The following SEMA6B variants were observed in gnomAD, a reference collection of about 807,000 sequenced individuals.
SEMA6B encodes the protein semaphorin-6B.
Under a neutral mutation model 78.6 loss-of-function variants are expected in SEMA6B, and 47 were observed. The ratio of observed to expected loss-of-function variants is 0.60; its 90% CI spans 0.47 to 0.76. SEMA6B has a LOEUF of 0.76. SEMA6B is among the 30% of genes least tolerant of loss of function. The probability of loss-of-function intolerance (pLI) is 0.00; values close to 1 mark genes in which losing one functional copy is unlikely to be tolerated. For synonymous variants in SEMA6B, 632 were observed against 592.2 expected (o/e 1.07, Z -0.98); for missense variants, 1,213 against 1,269.9 (o/e 0.96, Z 0.68).
Position 4,554,997 on chromosome 19 carries a change from G to C in SEMA6B, c.661C>G (p.His221Asp). The change falls in exon 8 of 17, where the codon CAT (histidine) becomes GAT (aspartate). Residue 221 changes from histidine to aspartate, a missense_variant. His to Asp is a moderately conservative substitution (Grantham distance 81, BLOSUM62 -1). Coordinates refer to ENST00000586582, the MANE Select transcript of SEMA6B (RefSeq NM_032108.4). ...TCACCTTTGAACCACTTGGAGTCAT[G>C]TTTCACGGTGCGCAGGGTGGGCCTG... is the stretch of plus-strand genomic sequence containing the variant. ...GDRPTLRTVKHDSKWFKEPYF... is the reference protein window; with the variant it reads ...GDRPTLRTVKDDSKWFKEPYF... 1 of 1,614,060 alleles carries C rather than the reference G, an allele frequency of 6.2e-7. No individual in the cohort carries two copies. Among genetic ancestry groups the C allele is most frequent in the Non-Finnish European group, 8.5e-7 (1 of 1,179,996 alleles).
chr19:4,555,880 G>C lies in SEMA6B; in HGVS notation c.471+108C>G. 5 of 886,180 alleles carry C rather than the reference G, an allele frequency of 5.6e-6. No homozygotes were observed. The highest frequency in any genetic ancestry group is 7.6e-6 in the Non-Finnish European group (4 of 528,640). The allele number at this position is 886,180 out of a possible 1,614,324, so 54.9% of individuals were successfully genotyped here. A position where few individuals can be genotyped will look rare whatever the true frequency, so the allele number is the denominator to read the frequency against. ...AGGCAGGGAGAGTATATCCAGGAAG[G>C]CTTCCTGGAGGAGGTGACACGGCCT... On this transcript the variant is annotated intron_variant, in intron 6 of 16. Coordinates refer to ENST00000586582, the MANE Select transcript of SEMA6B (RefSeq NM_032108.4). The surrounding 1 kb of genome is among the most constrained non-coding windows in gnomAD (Gnocchi z 6.1).
chr19:4,547,587 C>T (rs1290512810), intron 14 of SEMA6B, among the ~76,000 whole-genome samples: 3 of 152,296 alleles, frequency 2.0e-5, no homozygotes, highest in East Asian at 3.9e-4. Context: ...ACAGCCTCCA[C>T]CCTGGTCCCT....
In SEMA6B at chr19:4,550,925, G is replaced by A. The variant is rs760226141; in HGVS notation, c.995C>T (p.Pro332Leu). The change falls in exon 11 of 17, where the codon CCT becomes CTT. Residue 332 changes from proline to leucine, a missense_variant. Physicochemically the swap from Pro to Leu is moderately conservative, Grantham distance 98. Coordinates refer to ENST00000586582, the MANE Select transcript of SEMA6B (RefSeq NM_032108.4). This position sits in a 1 kb window ranked among gnomAD's most constrained non-coding sequence, Gnocchi z 6.6. ...AVFSTPSNSI[P>L]GSAVCAFDLT... is the part of the protein sequence containing the mutation. ...GTCAAAGGCGCAGACAGCCGAGCCAGGGATGCTGAGGGGTTGGGATGAAAG... is the reference window on the plus strand; with the variant it reads ...GTCAAAGGCGCAGACAGCCGAGCCAAGGATGCTGAGGGGTTGGGATGAAAG... 6.2e-7 allele frequency: 1 copy of A among 1,613,634 alleles called. No individual in the cohort carries two copies. Among genetic ancestry groups the A allele is most frequent in the South Asian group, 1.1e-5 (1 of 91,082 alleles).
Position 4,554,443 on chromosome 19 carries a change from C to G in SEMA6B, c.716G>C (p.Ser239Thr), listed in dbSNP as rs760580327. The change falls in exon 9 of 17, where the codon AGC becomes ACC. Residue 239 changes from serine (S) to threonine (T), a missense_variant. Transcript: ENST00000586582. ...PYFVHAVEWG[S>T]HVYFFFREIA... ...CTCCCGGAAGAAGAAGTAGACATGGCTGCCCCACTCCACCGCATGGACAAA... is the reference window on the plus strand; with the variant it reads ...CTCCCGGAAGAAGAAGTAGACATGGGTGCCCCACTCCACCGCATGGACAAA... 1.9e-6 allele frequency: 3 copies of G among 1,613,970 alleles called. No individual in the cohort carries two copies. The highest frequency in any genetic ancestry group is 2.2e-5 in the East Asian group (1 of 44,888).
rs893358113 is a variant in SEMA6B at position 4,558,612 on chromosome 19, TA to T, written c.-32-124del. ...AATTCCTCACGGGGATAATAATTAA[TA>T]AAAACAATAATGGCAATAATAATAA... On this transcript the variant is annotated intron_variant, in intron 1 of 16. Coordinates refer to ENST00000586582, the MANE Select transcript of SEMA6B (RefSeq NM_032108.4). The surrounding 1 kb of genome is among the most constrained non-coding windows in gnomAD (Gnocchi z 5.1). 2.2e-6 allele frequency: 1 copy of T among 461,002 alleles called. No individual in the cohort carries two copies. Among genetic ancestry groups the T allele is most frequent in the African/African-American group, 2.0e-5 (1 of 49,748 alleles). The allele number at this position is 461,002 out of a possible 1,614,324, so 28.6% of individuals were successfully genotyped here. A position where few individuals can be genotyped will look rare whatever the true frequency, so the allele number is the denominator to read the frequency against.
At chr19:4,556,367 C>T (rs369411202) in intron 5 of SEMA6B, among the ~76,000 whole-genome samples, 7 of 152,088 alleles carry the variant, frequency 4.6e-5, no homozygotes, top group Non-Finnish European at 1.0e-4. Flanking sequence ...GAGAAGGATC[C>T]GCCCTGGGTG....
In SEMA6B at chr19:4,552,153, C is replaced by T. The variant is rs1977349807; in HGVS notation, c.989+269G>A. On this transcript the variant is annotated intron_variant, in intron 10 of 16. Coordinates refer to ENST00000586582, the MANE Select transcript of SEMA6B (RefSeq NM_032108.4). The surrounding 1 kb of genome is among the most constrained non-coding windows in gnomAD (Gnocchi z 7.4). ...TCTTCCTCCATCTCACACCCAAAGTCCAGCTCCAATGTCCCCTCCTCCAGG... is the reference window on the plus strand; with the variant it reads ...TCTTCCTCCATCTCACACCCAAAGTTCAGCTCCAATGTCCCCTCCTCCAGG... Among the ~76,000 whole-genome samples, 2 of 152,194 alleles carry T rather than the reference C, an allele frequency of 1.3e-5. No individual in the cohort carries two copies. Among genetic ancestry groups the T allele is most frequent in the African/African-American group, 2.4e-5 (1 of 41,454 alleles).
At position 4,546,415 on chromosome 19, in the gene SEMA6B, G is replaced by A. The variant is rs1444215147; in HGVS notation, c.1656C>T (p.Cys552=). The A allele has an allele frequency of 6.3e-7, 1 of 1,583,700 alleles. No individual in the cohort carries two copies. Among genetic ancestry groups the A allele is most frequent in the Non-Finnish European group, 8.6e-7 (1 of 1,164,298 alleles). ...PYCGWAPDGS[C]IFLSPGTRAA... is the part of the protein sequence containing the mutation. ...ACCTGGTGCCCGGGCTGAGGAAGAT[G>A]CAGGAGCCGTCGGGGGCCCACCCGC... is the stretch of plus-strand genomic sequence containing the variant. The change falls in exon 15 of 17, where the codon TGC becomes TGT. Residue 552 remains cysteine, a synonymous_variant. Coordinates refer to ENST00000586582, the MANE Select transcript of SEMA6B (RefSeq NM_032108.4).
At chr19:4,546,561 C>T in intron 14 of SEMA6B, 92 bp from the exon 15 acceptor site, 1 of 592,062 alleles carries the variant, frequency 1.7e-6, no homozygotes, top group Non-Finnish European at 2.6e-6. Context: ...GTTCCAAGCA[C>T]CTGCCTCTTT....
intron 8 of SEMA6B, among the ~76,000 whole-genome samples, chr19:4,554,700 TCCTC>T (rs1273557981): frequency 6.6e-6 from 1 of 152,230 alleles, no homozygotes; most frequent in Non-Finnish European, 1.5e-5. Flanking sequence ...TTTGTTATCT[TCCTC>T]CCTCATGTGT....
chr19:4,553,682 T>G, intron 9 of SEMA6B, among the ~76,000 whole-genome samples: 4 of 107,106 alleles, frequency 3.7e-5, no homozygotes, highest in Non-Finnish European at 3.7e-5. Context: ...GTGGATGGAT[T>G]GGCAGCTGGA....
At position 4,544,311 on chromosome 19, in the gene SEMA6B, G is replaced by C; in HGVS notation, c.1957C>G (p.Arg653Gly). Reference protein sequence around the residue: ...GAGEAVLSVSRLGERRAQGPG... With the variant: ...GAGEAVLSVSGLGERRAQGPG... Reference sequence around the variant, plus strand: ...CCCTGCGCCCTGCGCTCGCCCAGGCGGCTGACGCTCAGCACCGCCTCGCCC... The same window carrying C: ...CCCTGCGCCCTGCGCTCGCCCAGGCCGCTGACGCTCAGCACCGCCTCGCCC... The change falls in exon 17 of 17, where the codon CGC becomes GGC. Residue 653 changes from arginine to glycine, a missense_variant. Transcript: ENST00000586582. The surrounding 1 kb of genome is among the most constrained non-coding windows in gnomAD (Gnocchi z 5.1). 6.7e-7 allele frequency: 1 copy of C among 1,482,684 alleles called. No homozygotes were observed. The highest frequency in any genetic ancestry group is 1.3e-5 in the South Asian group (1 of 78,358). 91.8% of individuals were successfully genotyped at this position (1,482,684 alleles called of 1,614,324 possible).
chr19:4,558,131 A>T lies in SEMA6B; in HGVS notation c.140T>A (p.Val47Glu). The change falls in exon 3 of 17, where the codon GTG becomes GAG. Residue 47 changes from valine (V) to glutamate (E), a missense_variant. Val to Glu is a moderately radical substitution (Grantham distance 121). Transcript: ENST00000586582. This position sits in a 1 kb window ranked among gnomAD's most constrained non-coding sequence, Gnocchi z 5.1. ...APRDYLNHYPVFVGSGPGRLT... is the reference protein window; with the variant it reads ...APRDYLNHYPEFVGSGPGRLT... ...GCGTCCGGGCCCGCTGCCCACAAAC[A>T]CGGGATAGTGGTTCAGGTCTGAGTG... 6 of 1,506,812 alleles carry T rather than the reference A, an allele frequency of 4.0e-6. No individual in the cohort carries two copies. The highest frequency in any genetic ancestry group is 5.4e-6 in the Non-Finnish European group (6 of 1,119,156). The allele number at this position is 1,506,812 out of a possible 1,614,324, so 93.3% of individuals were successfully genotyped here.
Position 4,559,633 on chromosome 19 carries a change from A to C in SEMA6B, c.-136T>G, listed in dbSNP as rs929373548. 1.3e-5 allele frequency: 2 copies of C among 152,238 alleles called. No individual in the cohort carries two copies. The highest frequency in any genetic ancestry group is 2.9e-5 in the Non-Finnish European group (2 of 68,112). 9.4% of individuals were successfully genotyped at this position (152,238 alleles called of 1,614,324 possible). On this transcript the variant is annotated 5_prime_UTR_variant, in exon 1 of 17. Coordinates refer to ENST00000586582, the MANE Select transcript of SEMA6B (RefSeq NM_032108.4). ...AGCTCCGAGCCCATTTTCCTGTCTG[A>C]GCAGCAGGGGTATCCCCCAGCCCTG...
chr19:4,550,373 T>C lies in SEMA6B; in HGVS notation c.1122-101A>G. ...TTGCTTTGCCCAACGACCCTCAGGT[T>C]TTTTGTTTGTTTTGTTTTTGAGACA... is the stretch of plus-strand genomic sequence containing the variant. On this transcript the variant is annotated intron_variant, in intron 11 of 16. Coordinates refer to ENST00000586582, the MANE Select transcript of SEMA6B (RefSeq NM_032108.4). This position sits in a 1 kb window ranked among gnomAD's most constrained non-coding sequence, Gnocchi z 6.6. 7.7e-7 allele frequency: 1 copy of C among 1,296,678 alleles called. No individual in the cohort carries two copies. Among genetic ancestry groups the C allele is most frequent in the Non-Finnish European group, 1.1e-6 (1 of 938,440 alleles). The allele number at this position is 1,296,678 out of a possible 1,614,324, so 80.3% of individuals were successfully genotyped here.
chr19:4,550,803 G>T lies in SEMA6B; in HGVS notation c.1117C>A (p.Pro373Thr). Residue 373 changes from proline (P) to threonine (T), a missense_variant, in exon 11 of 17, where the codon CCC becomes ACC. Transcript: ENST00000586582. This position sits in a 1 kb window ranked among gnomAD's most constrained non-coding sequence, Gnocchi z 6.6. ...TPVPEDQVPR[P>T]RPGCCAAPGM... Reference sequence around the variant, plus strand: ...CAGGATGGAGGGGGTTCTCACCGGGGTCGAGGCACCTGATCCTCCGGCACC... The same window carrying T: ...CAGGATGGAGGGGGTTCTCACCGGGTTCGAGGCACCTGATCCTCCGGCACC... 1 of 1,613,328 alleles carries T rather than the reference G, an allele frequency of 6.2e-7. No homozygotes were observed. The highest frequency in any genetic ancestry group is 1.1e-5 in the South Asian group (1 of 91,072).
chr19:4,544,020 G>A lies in SEMA6B; in HGVS notation c.2248C>T (p.Leu750Phe). ...GCCCGGGCGGGCGCCAGCAGCAGGA[G>A]GGAGGATGAAGCGGAGGCCGGGAGC... ...PLLPASASSS[L>F]LLLAPARAPE... Residue 750 changes from leucine to phenylalanine, a missense_variant, in exon 17 of 17, where the codon CTC (leucine) becomes TTC (phenylalanine). Coordinates refer to ENST00000586582, the MANE Select transcript of SEMA6B (RefSeq NM_032108.4). The surrounding 1 kb of genome is among the most constrained non-coding windows in gnomAD (Gnocchi z 5.1). The A allele has an allele frequency of 2.5e-6, 3 of 1,216,242 alleles. No homozygotes were observed. Among genetic ancestry groups the A allele is most frequent in the Non-Finnish European group, 2.0e-6 (2 of 978,352 alleles). 75.3% of individuals were successfully genotyped at this position (1,216,242 alleles called of 1,614,324 possible).
Position 4,556,058 on chromosome 19 carries a change from A to C in SEMA6B, c.401T>G (p.Leu134Arg), listed in dbSNP as rs759894363. ...GECRNFVKVL[L>R]LRDESTLFVC... The stretch of plus-strand genomic sequence containing the variant: ...AAAGAGCGTGGACTCGTCCCGAAGG[A>C]GCAGCACCTTTACGAAGTTTCGACA... Residue 134 changes from leucine to arginine, a missense_variant, in exon 6 of 17, where the codon CTC (leucine) becomes CGC (arginine). By Grantham distance (102) the Leu-to-Arg change is moderately radical. Transcript: ENST00000586582. The C allele has an allele frequency of 6.2e-7, 1 of 1,613,986 alleles. No homozygotes were observed.
intron 9 of SEMA6B, among the ~76,000 whole-genome samples, chr19:4,553,294 A>C (rs1156950748): frequency 6.6e-6 from 1 of 151,534 alleles, no homozygotes; most frequent in African/African-American, 2.4e-5. Context: ...GAATAAGTGG[A>C]TGAATGAATG....
Sources: allele counts gnomAD v4.1 joint callset (sites outside exome capture counted in the v4.1 genomes callset), GRCh38; gene constraint gnomAD v4.1.1; non-coding constraint Gnocchi (gnomAD v3.1); transcripts MANE v1.5; gene names NCBI Gene and HGNC (gene_info 2026-07-23, HGNC 2026-07-21).